STAU2: variants seen among roughly 807,000 people sequenced by gnomAD.
STAU2 encodes double-stranded RNA-binding protein Staufen homolog 2.
STAU2 carries 20 observed loss-of-function variants against 65.9 expected under a neutral mutation model. The ratio of observed to expected loss-of-function variants is 0.30; its 90% CI spans 0.21 to 0.44. The LOEUF is 0.44. Among genes scored for constraint, STAU2 ranks in the 20% least tolerant of loss-of-function variants. STAU2 has a pLI of 1.00. For missense variants in STAU2, 558 were observed against 683.9 expected (o/e 0.82, Z 2.05); for synonymous variants, 232 against 233.9 (o/e 0.99, Z 0.07).
At chr8:73,581,127 A>G (rs1201317153) in intron 12 of STAU2, among the ~76,000 whole-genome samples, 1 of 152,138 alleles carries the variant, frequency 6.6e-6, no homozygotes, top group Non-Finnish European at 1.5e-5. Context: ...ATCCCATGAG[A>G]TGTATCCCTT....
chr8:73,506,416 C>T (rs1415801465), intron 13 of STAU2, among the ~76,000 whole-genome samples: 2 of 152,150 alleles, frequency 1.3e-5, no homozygotes, highest in Non-Finnish European at 2.9e-5. Context: ...GCAAATCACA[C>T]AACTTTTTTT....
intron 3 of STAU2, 51 bp downstream of exon 3, chr8:73,738,233 T>TTA (rs752012390): frequency 6.7e-7 from 1 of 1,494,990 alleles, no homozygotes; most frequent in Admixed American, 1.8e-5. Flanking sequence ...GTTCCACAAT[T>TTA]TACAGCCAAA....
chr8:73,730,420 T>C (rs1805965172), intron 3 of STAU2, among the ~76,000 whole-genome samples: 1 of 152,204 alleles, frequency 6.6e-6, no homozygotes, highest in South Asian at 2.1e-4. Flanking sequence ...ATGTTTCATG[T>C]ATACTTTAAA....
rs904874993 is a variant in STAU2, at chr8:73,494,920, T to C, written c.1530+57092A>G. Among the ~76,000 whole-genome samples the C allele has an allele frequency of 2.6e-5, 4 of 151,622 alleles. No homozygotes were observed. The East Asian group carries it at 5.8e-4, about 22-fold the overall frequency. On this transcript the variant is annotated intron_variant, in intron 13 of 14. Coordinates refer to ENST00000524300, the MANE Select transcript of STAU2 (RefSeq NM_001164380.2). ...GGAAGGAAAAGCAAAATCCTTCCAA[T>C]TGTGCTGAGCCATTAAAATGGAGAT... is the stretch of plus-strand genomic sequence containing the variant.
At chr8:73,501,088 A>T (rs778505776) in intron 13 of STAU2, among the ~76,000 whole-genome samples, 33 of 151,928 alleles carry the variant, frequency 2.2e-4, no homozygotes, top group Non-Finnish European at 3.7e-4. Flanking sequence ...CTTCTGCAGT[A>T]CCAATTCAAA....
chr8:73,654,952 T>C (rs1242239308), intron 6 of STAU2, among the ~76,000 whole-genome samples: 1 of 152,164 alleles, frequency 6.6e-6, no homozygotes, highest in Non-Finnish European at 1.5e-5. Flanking sequence ...CCCAAAGTGA[T>C]GGGATTACAG....
At chr8:73,745,746 T>C (rs866223226) in intron 1 of STAU2, among the ~76,000 whole-genome samples, 3 of 152,260 alleles carry the variant, frequency 2.0e-5, no homozygotes, top group South Asian at 2.1e-4. Flanking sequence ...TCTTAACCCT[T>C]TGGAGTGGGG....
At position 73,477,423 on chromosome 8, in the gene STAU2, C is replaced by T. The variant is rs139312926; in HGVS notation, c.1531-54721G>A. 1.8e-3 allele frequency among the ~76,000 whole-genome samples: 272 copies of T among 152,220 alleles called. 1 individual carries two copies. Among genetic ancestry groups the T allele is most frequent in the African/African-American group, 6.2e-3 (256 of 41,534 alleles). On this transcript the variant is annotated intron_variant, in intron 13 of 14. Coordinates refer to ENST00000524300, the MANE Select transcript of STAU2 (RefSeq NM_001164380.2). ...GGACAGAAAACATAAAACTTGTTCACATATATATATTGATATGAGTATTGG... is the reference window on the plus strand; with the variant it reads ...GGACAGAAAACATAAAACTTGTTCATATATATATATTGATATGAGTATTGG...
At chr8:73,497,322 C>T (rs1213313223) in intron 13 of STAU2, among the ~76,000 whole-genome samples, 1 of 151,630 alleles carries the variant, frequency 6.6e-6, no homozygotes, top group African/African-American at 2.4e-5. Flanking sequence ...AATAAACATC[C>T]AAAATTACTG....
chr8:73,442,064 C>A (rs1189289356), intron 13 of STAU2, among the ~76,000 whole-genome samples: 7 of 151,978 alleles, frequency 4.6e-5, no homozygotes, highest in African/African-American at 1.7e-4. Context: ...TTTTTAGAAA[C>A]CCCATTTAGG....
chr8:73,633,169 A>C (rs946382497), intron 6 of STAU2, among the ~76,000 whole-genome samples: 1 of 152,262 alleles, frequency 6.6e-6, no homozygotes, highest in Non-Finnish European at 1.5e-5. Context: ...ATATGCCGGC[A>C]CTGAGCATGC....
rs140673302 is a variant in STAU2 at position 73,725,836 on chromosome 8, G to C, written c.-18+12448C>G. Among the ~76,000 whole-genome samples, 957 of 152,242 alleles carry C rather than the reference G, an allele frequency of 6.3e-3. 15 individuals carry two copies. The highest frequency in any genetic ancestry group is 0.042 in the South Asian group (204 of 4,824). ...TAATCCCAGCTACTTGAGAGGCTGA[G>C]GTGGGAGGACTGCTTCAGCCTGGGA... On this transcript the variant is annotated intron_variant, in intron 3 of 14. Coordinates refer to ENST00000524300, the MANE Select transcript of STAU2 (RefSeq NM_001164380.2).
intron 9 of STAU2, among the ~76,000 whole-genome samples, chr8:73,606,383 A>G (rs1812036802): frequency 6.6e-6 from 1 of 152,058 alleles, no homozygotes; most frequent in South Asian, 2.1e-4. Flanking sequence ...AAAATTCAAT[A>G]ATAAATTTAT....
chr8:73,597,930 T>C (rs1302421096), intron 10 of STAU2, among the ~76,000 whole-genome samples: 2 of 152,194 alleles, frequency 1.3e-5, no homozygotes, highest in African/African-American at 4.8e-5. Context: ...TCATCCAAAT[T>C]CATCCATAAA....
chr8:73,452,361 C>A (rs1818846405), intron 13 of STAU2, among the ~76,000 whole-genome samples: 1 of 152,176 alleles, frequency 6.6e-6, no homozygotes, highest in Non-Finnish European at 1.5e-5. Context: ...CTCTTGCAAA[C>A]CTCGCCTGGG....
At chr8:73,558,098 C>T (rs10100710) in intron 12 of STAU2, among the ~76,000 whole-genome samples, 121,412 of 152,174 alleles carry the variant, frequency 0.8, 48,792 homozygotes, top group Admixed American at 0.84. Flanking sequence ...AGGCAGTCTG[C>T]CTCTAGAGTT....
chr8:73,700,568 T>C (rs937530365), intron 4 of STAU2, among the ~76,000 whole-genome samples: 5 of 152,016 alleles, frequency 3.3e-5, no homozygotes, highest in African/African-American at 9.7e-5. Flanking sequence ...ATCCCATTTA[T>C]AATAGCCTTA....
chr8:73,573,076 G>A (rs1372532846), intron 12 of STAU2, among the ~76,000 whole-genome samples: 1 of 152,192 alleles, frequency 6.6e-6, no homozygotes, highest in Non-Finnish European at 1.5e-5. Context: ...AAATCAATGT[G>A]CAAAAATCAC....
chr8:73,591,874 C>G (rs1181144353), intron 11 of STAU2, among the ~76,000 whole-genome samples: 1 of 82,514 alleles, frequency 1.2e-5, no homozygotes, highest in African/African-American at 4.6e-5. Flanking sequence ...CAGCGTGTAT[C>G]CCAGAGGTAA....
Sources: allele counts gnomAD v4.1 joint callset (sites outside exome capture counted in the v4.1 genomes callset), GRCh38; gene constraint gnomAD v4.1.1; transcripts MANE v1.5; gene names NCBI Gene and HGNC (gene_info 2026-07-23, HGNC 2026-07-21).